FCN3: variants seen among roughly 807,000 people sequenced by gnomAD.
FCN3 encodes ficolin 3, also known as ficolin-3.
Under a neutral mutation model 31.5 loss-of-function variants are expected in FCN3, and 28 were observed. The ratio of observed to expected loss-of-function variants is 0.89; its 90% CI spans 0.66 to 1.22. The LOEUF (loss-of-function observed/expected upper bound fraction) is 1.22. FCN3 is among the 50% of genes most tolerant of loss of function. The pLI, the probability that FCN3 is intolerant of heterozygous loss-of-function variation, is 0.00. For synonymous variants in FCN3, 124 were observed against 147.4 expected (o/e 0.84, Z 1.15); for missense variants, 351 against 386.8 (o/e 0.91, Z 0.78).
chr1:27,373,577 C>T, intron 3 of FCN3, 57 bp from the exon 4 acceptor site: 2 of 1,573,782 alleles, frequency 1.3e-6, no homozygotes, highest in Admixed American at 1.7e-5. Context: ...CAGCGCTGAG[C>T]CACCAGTGGA....
At chr1:27,373,624 C>T in intron 3 of FCN3, 104 bp from the exon 4 acceptor site, 1 of 1,215,888 alleles carries the variant, frequency 8.2e-7, no homozygotes. Flanking sequence ...CCTTCCCACT[C>T]CTCCCAGCCT....
At chr1:27,374,270 T>C (rs774866162) in intron 2 of FCN3, 86 bp downstream of exon 2, 20 of 954,806 alleles carry the variant, frequency 2.1e-5, no homozygotes, top group Admixed American at 3.9e-5. Context: ...TGCTCCTTTG[T>C]CGTGGCCCCT....
At position 27,370,062 on chromosome 1, in the gene FCN3, A is replaced by G. The variant is rs1166713614; in HGVS notation, c.658+534T>C. Among the ~76,000 whole-genome samples, 7 of 149,070 alleles carry G rather than the reference A, an allele frequency of 4.7e-5. No homozygotes were observed. In the East Asian group the frequency reaches 8.0e-4, roughly 17 times the overall value. On this transcript the variant is annotated intron_variant, in intron 7 of 7. Transcript: ENST00000270879. The stretch of plus-strand genomic sequence containing the variant: ...CGCTCTGTCGCCCAGGCTAGAGTGC[A>G]GTGACACTCTCTTGGCTCGCTGCAA...
chr1:27,370,962 C>T lies in FCN3; in HGVS notation c.404G>A (p.Arg135Lys). 5 of 1,612,236 alleles carry T rather than the reference C, an allele frequency of 3.1e-6. No homozygotes were observed. Among genetic ancestry groups the T allele is most frequent in the Non-Finnish European group, 4.2e-6 (5 of 1,179,586 alleles). ...TEGGGWLVFQRRQDGSVDFFR... is the reference protein window; with the variant it reads ...TEGGGWLVFQKRQDGSVDFFR... Reference sequence around the variant, plus strand: ...GAAATCCACAGAACCATCCTGGCGCCTCTGAAACACCTGGGGGAGGGGGGG... The same window carrying T: ...GAAATCCACAGAACCATCCTGGCGCTTCTGAAACACCTGGGGGAGGGGGGG... Residue 135 changes from arginine (R) to lysine (K), a missense_variant, in exon 6 of 8, where the codon AGG (arginine) becomes AAG (lysine). Physicochemically the swap from Arg to Lys is conservative, Grantham distance 26. Coordinates refer to ENST00000270879, the MANE Select transcript of FCN3 (RefSeq NM_003665.4).
Position 27,374,731 on chromosome 1 carries a change from G to C in FCN3, c.88C>G (p.Pro30Ala). ...GGAGGGCACCCTAGGTGCCCACCTGGGCAGCTGGGGTGTTCCTGGGTCTTC... is the reference window on the plus strand; with the variant it reads ...GGAGGGCACCCTAGGTGCCCACCTGCGCAGCTGGGGTGTTCCTGGGTCTTC... ...CLKTQEHPSC[P>A]GPRELEASKV... is the part of the protein sequence containing the mutation. The change falls in exon 1 of 8, where the codon CCA (proline) becomes GCA (alanine). Residue 30 changes from proline to alanine, a missense_variant. Coordinates refer to ENST00000270879, the MANE Select transcript of FCN3 (RefSeq NM_003665.4). The C allele has an allele frequency of 7.1e-7, 1 of 1,405,310 alleles. No individual in the cohort carries two copies. Among genetic ancestry groups the C allele is most frequent in the Non-Finnish European group, 9.3e-7 (1 of 1,075,342 alleles). 87.1% of individuals were successfully genotyped at this position (1,405,310 alleles called of 1,614,324 possible).
In FCN3 at chr1:27,369,479, T is replaced by C; in HGVS notation, c.659-2A>G. The C allele has an allele frequency of 1.2e-6, 2 of 1,612,906 alleles. No individual in the cohort carries two copies. Among genetic ancestry groups the C allele is most frequent in the South Asian group, 1.1e-5 (1 of 91,066 alleles). On this transcript the variant is annotated splice_acceptor_variant, in intron 7 of 7. Coordinates refer to ENST00000270879, the MANE Select transcript of FCN3 (RefSeq NM_003665.4). LOFTEE classifies it high-confidence loss of function. ...CACTGTGGAGGCTCAGGGAATCCCC[T>C]AGCAGGGAAGGGATGGAAAGCACCT...
Position 27,370,599 on chromosome 1 carries a change from C to T in FCN3, c.655G>A (p.Ala219Thr), listed in dbSNP as rs2016125283. Residue 219 changes from alanine (A) to threonine (T), a missense_variant, in exon 7 of 8, where the codon GCA becomes ACA. Transcript: ENST00000270879. ...TGCTCCCCTTAGGCTCACTCACCTG[C>T]AGTGCCCTCTGAGAACTTGCCCAGT... is the stretch of plus-strand genomic sequence containing the variant. ...LALGKFSEGTAGDSLSLHSGR... is the reference protein window; with the variant it reads ...LALGKFSEGTTGDSLSLHSGR... The T allele has an allele frequency of 1.2e-6, 2 of 1,614,002 alleles. No homozygotes were observed. The highest frequency in any genetic ancestry group is 2.7e-5 in the African/African-American group (2 of 75,072).
In FCN3 at chr1:27,369,238, A is replaced by G; in HGVS notation, c.898T>C (p.Ter300GlnextTer39). The change falls in exon 8 of 8, where the codon TAG becomes CAG. Residue 300 changes from the stop codon to glutamine, a stop_lost. Transcript: ENST00000270879. The stretch of plus-strand genomic sequence containing the variant: ...AGGGCACTGGCTGCCAGAGTGCCCT[A>G]TCGAAGCATCATCCGAACCCTGCGG... ...PYRRVRMMLR[*>Q] 1 of 1,614,198 alleles carries G rather than the reference A, an allele frequency of 6.2e-7. No homozygotes were observed. The highest frequency in any genetic ancestry group is 8.5e-7 in the Non-Finnish European group (1 of 1,180,018).
Position 27,369,269 on chromosome 1 carries a change from G to A in FCN3, c.867C>T (p.His289=), listed in dbSNP as rs751750968. 1.9e-6 allele frequency: 3 copies of A among 1,614,214 alleles called. No individual in the cohort carries two copies. The highest frequency in any genetic ancestry group is 2.2e-5 in the South Asian group (2 of 91,086). The change falls in exon 8 of 8, where the codon CAC becomes CAT. Residue 289 remains histidine (H), a synonymous_variant. Transcript: ENST00000270879. Reference sequence around the variant, plus strand: ...GCATCATCCGAACCCTGCGGTAGGGGTGGCCCACACCACGGCCTGAGGCCC... The same window carrying A: ...GCATCATCCGAACCCTGCGGTAGGGATGGCCCACACCACGGCCTGAGGCCC... The part of the protein sequence containing the change: ...IDWASGRGVG[H]PYRRVRMMLR
In FCN3 at chr1:27,373,499, C is replaced by A. The variant is rs140590744; in HGVS notation, c.254G>T (p.Arg85Leu). 75 of 1,614,058 alleles carry A rather than the reference C, an allele frequency of 4.6e-5. No homozygotes were observed. The African/African-American group carries it at 8.7e-4, about 19-fold the overall frequency. ...AAGGGCTGCCTCACCTTCCTGGCAC[C>A]GGAGCAGGTTCACTGGATCTCCTGC... Reference protein sequence around the residue: ...GEPGDPVNLLRCQEGPRNCRE... With the variant: ...GEPGDPVNLLLCQEGPRNCRE... Residue 85 changes from arginine to leucine, a missense_variant, in exon 4 of 8, where the codon CGG (arginine) becomes CTG (leucine). Physicochemically the swap from Arg to Leu is moderately radical, Grantham distance 102. Transcript: ENST00000270879.
rs1324805471 is a variant in FCN3, at chr1:27,374,378, C to A, written c.165G>T (p.Glu55Asp). 6.2e-7 allele frequency: 1 copy of A among 1,613,190 alleles called. No individual in the cohort carries two copies. Among genetic ancestry groups the A allele is most frequent in the African/African-American group, 1.3e-5 (1 of 74,894 alleles). The change falls in exon 2 of 8, where the codon GAG (glutamate) becomes GAT (aspartate). Residue 55 changes from glutamate to aspartate, a missense_variant. Glu to Asp is a conservative substitution (Grantham distance 45, BLOSUM62 2). Coordinates refer to ENST00000270879, the MANE Select transcript of FCN3 (RefSeq NM_003665.4). ...SCPGAPGSPG[E>D]KGAPGPQGPP... is the part of the protein sequence containing the mutation. ...CACCTTGAGGACCTGGGGCTCCCTT[C>A]TCCCCAGGACTTCCTGGAGCTCCGG...
rs116683284 is a variant in FCN3 at position 27,369,733 on chromosome 1, C to A, written c.659-256G>T. ...TTACCCCCTCCAGAATCCCCGGCCC[C>A]CCTCTAGCTCCTTTGTCTTCTCTCA... is the stretch of plus-strand genomic sequence containing the variant. On this transcript the variant is annotated intron_variant, in intron 7 of 7. Coordinates refer to ENST00000270879, the MANE Select transcript of FCN3 (RefSeq NM_003665.4). 3.3e-3 allele frequency among the ~76,000 whole-genome samples: 506 copies of A among 151,990 alleles called. 8 individuals are homozygous for A. Among genetic ancestry groups the A allele is most frequent in the African/African-American group, 0.012 (491 of 41,440 alleles).
chr1:27,369,517 C>G (rs760700797), intron 7 of FCN3, 40 bp from the exon 8 acceptor site: 8 of 1,591,462 alleles, frequency 5.0e-6, no homozygotes, highest in Non-Finnish European at 6.9e-6. Flanking sequence ...GTGCCCAGCA[C>G]CACGCCTGGC....
chr1:27,370,001 C>A (rs1393107667), intron 7 of FCN3, among the ~76,000 whole-genome samples: 2 of 138,392 alleles, frequency 1.4e-5, no homozygotes, highest in Non-Finnish European at 3.2e-5. Flanking sequence ...TCCCTGCGCT[C>A]CCCCCGCCTT....
chr1:27,374,684 G>A (rs1571092638), intron 1 of FCN3, 44 bp downstream of exon 1: 1 of 1,190,136 alleles, frequency 8.4e-7, no homozygotes, highest in Admixed American at 3.0e-5. Flanking sequence ...ACCCAGCGAG[G>A]GAATGAGGAG....
At position 27,373,320 on chromosome 1, in the gene FCN3, C is replaced by A; in HGVS notation, c.266-57G>T. The A allele has an allele frequency of 2.5e-6, 4 of 1,609,810 alleles. No homozygotes were observed. The East Asian group carries it at 8.9e-5, about 36-fold the overall frequency. On this transcript the variant is annotated intron_variant, in intron 4 of 7. Transcript: ENST00000270879. ...CCAGGTTATTCCCTGACCCCCACCCCCAGGCACTGGAACAAGTGTGGGACC... is the reference window on the plus strand; with the variant it reads ...CCAGGTTATTCCCTGACCCCCACCCACAGGCACTGGAACAAGTGTGGGACC...
chr1:27,373,764 C>G, intron 3 of FCN3: 1 of 649,798 alleles, frequency 1.5e-6, no homozygotes, highest in Non-Finnish European at 2.7e-6. Flanking sequence ...TAATCCTCCC[C>G]ACTCCTCCCA....
rs760316888 is a variant in FCN3, at chr1:27,374,743, G to T, written c.76C>A (p.His26Asn). The T allele has an allele frequency of 7.1e-7, 1 of 1,399,322 alleles. No homozygotes were observed. Among genetic ancestry groups the T allele is most frequent in the Admixed American group, 2.8e-5 (1 of 35,876 alleles). The allele number at this position is 1,399,322 out of a possible 1,614,324, so 86.7% of individuals were successfully genotyped here. A position where few individuals can be genotyped will look rare whatever the true frequency, so the allele number is the denominator to read the frequency against. Residue 26 changes from histidine (H) to asparagine (N), a missense_variant, in exon 1 of 8, where the codon CAC becomes AAC. His to Asn is a moderately conservative substitution (Grantham distance 68). Coordinates refer to ENST00000270879, the MANE Select transcript of FCN3 (RefSeq NM_003665.4). ...AGGTGCCCACCTGGGCAGCTGGGGT[G>T]TTCCTGGGTCTTCAGGCAGGCAGGC... is the stretch of plus-strand genomic sequence containing the variant. ...GGPACLKTQE[H>N]PSCPGPRELE... is the part of the protein sequence containing the mutation.
At position 27,373,432 on chromosome 1, in the gene FCN3, C is replaced by T. The variant is rs1194448940; in HGVS notation, c.265+56G>A. On this transcript the variant is annotated intron_variant, in intron 4 of 7. Coordinates refer to ENST00000270879, the MANE Select transcript of FCN3 (RefSeq NM_003665.4). ...GATCTTGGCCACACTTGGGGGTCTG[C>T]CAACACCCAACACCATGTGATCCCA... 3.1e-6 allele frequency: 5 copies of T among 1,607,530 alleles called. No individual in the cohort carries two copies. The Admixed American group carries it at 6.7e-5, about 21-fold the overall frequency.
Sources: gnomAD v4.1 joint callset for allele counts (sites outside exome capture counted in the v4.1 genomes callset) on GRCh38, gnomAD v4.1.1 for gene constraint, MANE v1.5 for transcripts, NCBI Gene and HGNC (gene_info 2026-07-23, HGNC 2026-07-21) for gene names.